The following IFT46 variants were observed in gnomAD, a reference collection of about 807,000 sequenced individuals.
IFT46 encodes the protein intraflagellar transport 46, also known as intraflagellar transport protein 46 homolog.
A neutral mutation model predicts 39.6 loss-of-function variants in IFT46; 19 were observed. The observed-to-expected ratio is 0.48, with a 90% CI of 0.33 to 0.70. The LOEUF (loss-of-function observed/expected upper bound fraction) is 0.70, where lower values mean the gene tolerates loss of function less well. IFT46 is among the 30% of genes least tolerant of loss of function. IFT46 has a pLI of 0.01. For missense variants in IFT46, 334 were observed against 364.8 expected, an observed-to-expected ratio of 0.92 and a Z score of 0.69; for synonymous variants, 117 against 134.8, an observed-to-expected ratio of 0.87 and a Z score of 0.91.
rs1565347662 is a variant in IFT46 at position 118,554,977 on chromosome 11, G to A, written c.354+13C>T. On this transcript the variant is annotated intron_variant, in intron 6 of 11. Coordinates refer to ENST00000264021, the MANE Select transcript of IFT46 (RefSeq NM_001168618.2). ...ACACTTAAGGAGTCATTTTCAGGAT[G>A]TACTGACTATACCTTTAAGAATGCA... 2 of 1,559,086 alleles carry A rather than the reference G, an allele frequency of 1.3e-6. No individual in the cohort carries two copies. The highest frequency in any genetic ancestry group is 1.7e-4 in the Middle Eastern group (1 of 5,980).
chr11:118,561,426 T>C, intron 2 of IFT46: 2 of 812,518 alleles, frequency 2.5e-6, no homozygotes, highest in Non-Finnish European at 4.3e-6. Context: ...CATGCTGCTA[T>C]ATGAGAGAAT....
At chr11:118,572,454 G>C (rs559895450) in intron 1 of IFT46, 509 of 1,357,986 alleles carry the variant, frequency 3.7e-4, no homozygotes, top group Middle Eastern at 5.5e-4. Flanking sequence ...CAAGGGGGCA[G>C]CAGGTCCAGA....
chr11:118,575,670 G>A (rs1028201050), upstream of IFT46, among the ~76,000 whole-genome samples: 7 of 152,186 alleles, frequency 4.6e-5, no homozygotes, highest in East Asian at 1.3e-3. Flanking sequence ...GCATGTATAT[G>A]TGTATAAAAT....
At chr11:118,572,581 G>C in intron 1 of IFT46, 1 of 1,601,390 alleles carries the variant, frequency 6.2e-7, no homozygotes, top group Non-Finnish European at 8.5e-7. Flanking sequence ...CGAACTCCTG[G>C]GGTCCGAGCC....
chr11:118,567,305 G>T (rs890670992), upstream of IFT46, among the ~76,000 whole-genome samples: 1 of 151,962 alleles, frequency 6.6e-6, no homozygotes, highest in Non-Finnish European at 1.5e-5. Context: ...GGTCGGGCAC[G>T]GTGGCTCACG....
At chr11:118,576,721 A>G (rs1555073721), upstream of IFT46, among the ~76,000 whole-genome samples, 1 of 152,178 alleles carries the variant, frequency 6.6e-6, no homozygotes, top group African/African-American at 2.4e-5. Context: ...AACTGCCTGG[A>G]ACCTGTAATT....
chr11:118,557,579 C>T, intron 3 of IFT46: 1 of 834,644 alleles, frequency 1.2e-6, no homozygotes, highest in Non-Finnish European at 1.9e-6. Context: ...CCAGCAGTCC[C>T]AGGGACTATG....
chr11:118,550,082 A>C (rs926968302), intron 9 of IFT46, among the ~76,000 whole-genome samples: 11 of 151,504 alleles, frequency 7.3e-5, no homozygotes, highest in Admixed American at 7.3e-4. Flanking sequence ...TTACAGGCAC[A>C]CACCACCACA....
At chr11:118,549,754 A>G (rs1296405635) in intron 9 of IFT46, among the ~76,000 whole-genome samples, 5 of 150,342 alleles carry the variant, frequency 3.3e-5, no homozygotes, top group African/African-American at 1.2e-4. Context: ...CGATCTCTTG[A>G]CCTCATGATC....
At chr11:118,550,779 A>G (rs1180585849) in intron 9 of IFT46, among the ~76,000 whole-genome samples, 18 of 152,354 alleles carry the variant, frequency 1.2e-4, no homozygotes, top group Admixed American at 1.2e-3. Context: ...CTATAATCCC[A>G]GCACTTTGGG....
chr11:118,559,709 C>T (rs1294643462), intron 3 of IFT46, 76 bp downstream of exon 3: 22 of 1,117,880 alleles, frequency 2.0e-5, no homozygotes, highest in Non-Finnish European at 2.5e-5. Context: ...AAATGTTTAC[C>T]GTTGAACTGG....
At chr11:118,545,329 G>A in intron 11 of IFT46, 80 bp downstream of exon 11, 1 of 1,020,104 alleles carries the variant, frequency 9.8e-7, no homozygotes, top group Non-Finnish European at 1.5e-6. Flanking sequence ...GCTATAGGAT[G>A]CAATCACAGC....
chr11:118,572,572 G>C, intron 1 of IFT46: 1 of 1,604,326 alleles, frequency 6.2e-7, no homozygotes. Flanking sequence ...GCCAGGACCC[G>C]AACTCCTGGG....
In IFT46 at chr11:118,561,222, G is replaced by A. The variant is rs1159567124; in HGVS notation, c.-35-1358C>T. On this transcript the variant is annotated intron_variant, in intron 2 of 11. Coordinates refer to ENST00000264021, the MANE Select transcript of IFT46 (RefSeq NM_001168618.2). ...TTGTCTGTCCCTCACAGTACCAAACGATTCCCTAGTTATGATTCTGAAAGC... is the reference window on the plus strand; with the variant it reads ...TTGTCTGTCCCTCACAGTACCAAACAATTCCCTAGTTATGATTCTGAAAGC... 20 of 1,375,900 alleles carry A rather than the reference G, an allele frequency of 1.5e-5. No homozygotes were observed. The Admixed American group carries it at 1.7e-4, about 12-fold the overall frequency. The allele number at this position is 1,375,900 out of a possible 1,614,324, so 85.2% of individuals were successfully genotyped here. A position where few individuals can be genotyped will look rare whatever the true frequency, so the allele number is the denominator to read the frequency against.
chr11:118,545,323 T>C (rs539429926), intron 11 of IFT46, 86 bp downstream of exon 11: 5 of 987,222 alleles, frequency 5.1e-6, no homozygotes, highest in Non-Finnish European at 4.8e-6. Context: ...TACATCGCTA[T>C]AGGATGCAAT....
chr11:118,558,015 G>A, intron 3 of IFT46: 2 of 972,862 alleles, frequency 2.1e-6, no homozygotes, highest in Non-Finnish European at 2.9e-6. Flanking sequence ...TTGTTTTTAT[G>A]GTAAAGCAGC....
intron 1 of IFT46, among the ~76,000 whole-genome samples, chr11:118,571,194 T>C (rs922796323): frequency 3.9e-5 from 6 of 152,258 alleles, no homozygotes; most frequent in Non-Finnish European, 8.8e-5. Context: ...ATTAATGGAA[T>C]CATATATGAG....
intron 5 of IFT46, 67 bp downstream of exon 5, chr11:118,555,180 AC>A: frequency 1.3e-6 from 2 of 1,546,672 alleles, no homozygotes; most frequent in Non-Finnish European, 1.8e-6. Context: ...CCTGTTTCAG[AC>A]TAGAGATAGG....
chr11:118,561,996 C>T (rs1417794729), intron 2 of IFT46, among the ~76,000 whole-genome samples: 3 of 151,954 alleles, frequency 2.0e-5, no homozygotes, highest in Non-Finnish European at 2.9e-5. Context: ...AAAATTAGGC[C>T]GGGCACAGTG....
Sources: gnomAD v4.1 joint callset for allele counts (sites outside exome capture counted in the v4.1 genomes callset) on GRCh38, gnomAD v4.1.1 for gene constraint, MANE v1.5 for transcripts, NCBI Gene and HGNC (gene_info 2026-07-23, HGNC 2026-07-21) for gene names.